ATP10B: variants seen among roughly 807,000 people sequenced by gnomAD.
The protein encoded by ATP10B is phospholipid-transporting ATPase VB.
A neutral mutation model predicts 141.2 loss-of-function variants in ATP10B; 122 were observed. The observed-to-expected ratio is 0.86, with a 90% CI of 0.75 to 1.00. ATP10B has a LOEUF of 1.00. Among genes scored for constraint, ATP10B ranks in the 50% least tolerant of loss-of-function variants. ATP10B has a pLI of 0.00. For missense variants in ATP10B, 1,876 were observed against 1,825.3 expected (o/e 1.03, Z -0.51); for synonymous variants, 685 against 692.0 (o/e 0.99, Z 0.16).
At chr5:160,844,623 G>C (rs893820584) in intron 1 of ATP10B, among the ~76,000 whole-genome samples, 7 of 151,644 alleles carry the variant, frequency 4.6e-5, no homozygotes, top group Non-Finnish European at 8.8e-5. Context: ...TGGGCTCACT[G>C]TAATGTCCAC....
intron 2 of ATP10B, among the ~76,000 whole-genome samples, chr5:160,757,899 C>T (rs539299131): frequency 6.6e-6 from 1 of 152,230 alleles, no homozygotes; most frequent in South Asian, 2.1e-4. Flanking sequence ...AGCATTCTGG[C>T]CTCTACCCAT....
In ATP10B at chr5:160,694,382, C is replaced by T. The variant is rs145303551; in HGVS notation, c.-204-5439G>A. 3.3e-4 allele frequency among the ~76,000 whole-genome samples: 50 copies of T among 152,310 alleles called. No homozygotes were observed. In the East Asian group the frequency reaches 8.7e-3, roughly 26 times the overall value. On this transcript the variant is annotated intron_variant, in intron 3 of 25. Transcript: ENST00000327245. ...AAATGGCACCTCCCACTAAAAATAA[C>T]TTGAGGATTACCTAATTTTGCTAAT... is the stretch of plus-strand genomic sequence containing the variant.
At chr5:160,607,969 T>A (rs1003165181) in intron 18 of ATP10B, among the ~76,000 whole-genome samples, 12 of 152,238 alleles carry the variant, frequency 7.9e-5, no homozygotes, top group African/African-American at 2.9e-4. Context: ...AGGGTACATG[T>A]GCACAACGTG....
At position 160,622,445 on chromosome 5, in the gene ATP10B, T is replaced by TA; in HGVS notation, c.1760dup (p.Leu587PhefsTer58). 1 of 1,614,016 alleles carries TA rather than the reference T, an allele frequency of 6.2e-7. No individual in the cohort carries two copies. Among genetic ancestry groups the TA allele is most frequent in the Non-Finnish European group, 8.5e-7 (1 of 1,180,018 alleles). On this transcript the variant is annotated frameshift_variant, in exon 14 of 26. Transcript: ENST00000327245. LOFTEE classifies it high-confidence loss of function. The stretch of plus-strand genomic sequence containing the variant: ...ACACCATGACAGAGTTGCAGATGGT[T>TA]AAGGCAAGGAAGAAATCAGCAATGG...
intron 2 of ATP10B, among the ~76,000 whole-genome samples, chr5:160,782,292 G>C (rs1200825334): frequency 3.9e-5 from 6 of 152,262 alleles, no homozygotes; most frequent in Non-Finnish European, 8.8e-5. Flanking sequence ...GGCACAGAGA[G>C]ACGTTGCTGA....
intron 3 of ATP10B, among the ~76,000 whole-genome samples, chr5:160,708,878 C>A (rs1349323373): frequency 2.6e-5 from 4 of 152,064 alleles, no homozygotes; most frequent in Admixed American, 2.0e-4. Context: ...GGATTAAAGA[C>A]CCCTTAGAGA....
chr5:160,648,064 A>G (rs533089769), intron 8 of ATP10B, among the ~76,000 whole-genome samples: 14 of 152,288 alleles, frequency 9.2e-5, no homozygotes, highest in African/African-American at 3.1e-4. Context: ...AGACCCCCAT[A>G]TAAGTCCTGG....
Position 160,612,784 on chromosome 5 carries a change from AAC to A in ATP10B, c.2793_2794del (p.Leu932LysfsTer18). Reference sequence around the variant, plus strand: ...GGTATAAACAGTGTCGGTCTGATTTAACAGTCTGCAGGAATGGGCAATGTTGA... The same window carrying A: ...GGTATAAACAGTGTCGGTCTGATTTAAGTCTGCAGGAATGGGCAATGTTGA... On this transcript the variant is annotated frameshift_variant, in exon 18 of 26. Coordinates refer to ENST00000327245, the MANE Select transcript of ATP10B (RefSeq NM_025153.3). LOFTEE classifies it high-confidence loss of function. The A allele has an allele frequency of 6.2e-7, 1 of 1,614,036 alleles. No individual in the cohort carries two copies. Among genetic ancestry groups the A allele is most frequent in the Non-Finnish European group, 8.5e-7 (1 of 1,179,960 alleles).
chr5:160,793,663 G>A (rs1771749085), intron 1 of ATP10B, among the ~76,000 whole-genome samples: 1 of 152,084 alleles, frequency 6.6e-6, no homozygotes, highest in African/African-American at 2.4e-5. Context: ...CTAAGTGTAT[G>A]GTATTTATAA....
Position 160,695,349 on chromosome 5 carries a change from C to T in ATP10B, c.-204-6406G>A, listed in dbSNP as rs189680373. ...GGCCTCCTGTAATTTTTATTTAATA[C>T]CACAAAAGAGAGAGGGTGCAGTGAG... On this transcript the variant is annotated intron_variant, in intron 3 of 25. Coordinates refer to ENST00000327245, the MANE Select transcript of ATP10B (RefSeq NM_025153.3). Among the ~76,000 whole-genome samples the T allele has an allele frequency of 4.5e-4, 64 of 141,090 alleles. 1 individual carries two copies. The highest frequency in any genetic ancestry group is 1.7e-3 in the African/African-American group (61 of 36,548). The allele number at this position is 141,090 out of a possible 152,430, so 92.6% of individuals were successfully genotyped here.
chr5:160,883,927 CT>C, the ATP10B span, among the ~76,000 whole-genome samples: 1 of 152,138 alleles, frequency 6.6e-6, no homozygotes, highest in Non-Finnish European at 1.5e-5. Context: ...TGCTACTTTT[CT>C]TTTCCCTTAA....
Position 160,563,123 on chromosome 5 carries a change from G to T in ATP10B, c.*2330C>A, listed in dbSNP as rs1754340787. ...AGAAGAATAATGTGAACTTAGGTTG[G>T]CAGGCAACTATGGAAAACCATGTTT... is the stretch of plus-strand genomic sequence containing the variant. On this transcript the variant is annotated 3_prime_UTR_variant, in exon 26 of 26. Transcript: ENST00000327245. 6.6e-6 allele frequency: 1 copy of T among 152,144 alleles called. No homozygotes were observed. Among genetic ancestry groups the T allele is most frequent in the Non-Finnish European group, 1.5e-5 (1 of 68,036 alleles). The allele number at this position is 152,144 out of a possible 1,614,324, so 9.4% of individuals were successfully genotyped here.
intron 25 of ATP10B, among the ~76,000 whole-genome samples, chr5:160,566,569 ACTGACTCAAGGATTTTATCCCC>A (rs535504684): frequency 0.016 from 2,369 of 152,242 alleles, 28 homozygotes; most frequent in Middle Eastern, 0.075. Flanking sequence ...CTCCCTGTTG[ACTGACTCAAGGATTTTATCCCC>A]CTGCCAAGCT....
intron 16 of ATP10B, among the ~76,000 whole-genome samples, chr5:160,616,609 C>T (rs1440305741): frequency 1.3e-5 from 2 of 152,166 alleles, no homozygotes; most frequent in Non-Finnish European, 2.9e-5. Context: ...CAGCTAGTGG[C>T]CACATCTTCT....
chr5:160,873,124 T>G, the ATP10B span, among the ~76,000 whole-genome samples: 44 of 143,096 alleles, frequency 3.1e-4, 1 homozygote, highest in South Asian at 4.5e-4. Flanking sequence ...GTTTTTTTTG[T>G]TTTTTTTTTT....
chr5:160,778,158 C>T (rs574386844), intron 2 of ATP10B, among the ~76,000 whole-genome samples: 54 of 152,264 alleles, frequency 3.5e-4, no homozygotes, highest in African/African-American at 1.2e-3. Flanking sequence ...ACCATGTCCA[C>T]GTATTATCTA....
chr5:160,805,160 T>G (rs545187069), intron 1 of ATP10B, among the ~76,000 whole-genome samples: 3 of 152,340 alleles, frequency 2.0e-5, no homozygotes, highest in African/African-American at 7.2e-5. Flanking sequence ...ATTCTCCTTG[T>G]TGGAGAAAGA....
intron 3 of ATP10B, among the ~76,000 whole-genome samples, chr5:160,698,904 G>A (rs1322186654): frequency 2.0e-5 from 3 of 152,182 alleles, no homozygotes; most frequent in Non-Finnish European, 1.5e-5. Flanking sequence ...ACAAGAATAG[G>A]CAAATGAGAA....
rs72818544 is a variant in ATP10B, at chr5:160,687,891, C to T, written c.184G>A (p.Val62Ile). ...NSIFHQDWEE[V>I]SRRYPGNRTC... is the part of the protein sequence containing the mutation. ...CTGTTGCCAGGGTATCTCCTGGAGA[C>T]CTCTTCCCAATCTTGATGGAATATG... Residue 62 changes from valine to isoleucine, a missense_variant, in exon 5 of 26, where the codon GTC becomes ATC. Val to Ile is a conservative substitution (Grantham distance 29). Coordinates refer to ENST00000327245, the MANE Select transcript of ATP10B (RefSeq NM_025153.3). 9.8e-5 allele frequency: 158 copies of T among 1,614,092 alleles called. No homozygotes were observed. The highest frequency in any genetic ancestry group is 1.3e-4 in the Non-Finnish European group (155 of 1,180,020).
Sources: allele counts gnomAD v4.1 joint callset (sites outside exome capture counted in the v4.1 genomes callset), GRCh38; gene constraint gnomAD v4.1.1; transcripts MANE v1.5; gene names NCBI Gene and HGNC (gene_info 2026-07-23, HGNC 2026-07-21).